The following POTEC variants were observed in gnomAD, a reference collection of about 807,000 sequenced individuals.
POTEC encodes ANKRD26-like family B member 2.
POTEC carries 35 observed loss-of-function variants against 62.0 expected under a neutral mutation model. The ratio of observed to expected loss-of-function variants is 0.56; its 90% CI spans 0.43 to 0.75. POTEC has a LOEUF of 0.75. Among genes scored for constraint, POTEC ranks in the 30% least tolerant of loss-of-function variants. The pLI, the probability that POTEC is intolerant of heterozygous loss-of-function variation, is 0.00. For missense variants in POTEC, 472 were observed against 655.9 expected, an observed-to-expected ratio of 0.72 and a Z score of 3.06; for synonymous variants, 156 against 221.5, an observed-to-expected ratio of 0.70 and a Z score of 2.62.
At chr18:14,532,830 C>CT (rs1440153554) in intron 5 of POTEC, among the ~76,000 whole-genome samples, 1 of 151,732 alleles carries the variant, frequency 6.6e-6, no homozygotes, top group Non-Finnish European at 1.5e-5. Flanking sequence ...ATTGGGATCT[C>CT]TAAGGATAAA....
intron 6 of POTEC, among the ~76,000 whole-genome samples, chr18:14,525,451 A>T (rs542879300): frequency 8.5e-5 from 13 of 152,054 alleles, no homozygotes; most frequent in Non-Finnish European, 1.5e-4. Context: ...GGCTCCAGAC[A>T]TCCCAGAGAA....
chr18:14,541,280 A>G (rs981772893), intron 1 of POTEC, among the ~76,000 whole-genome samples: 28 of 152,276 alleles, frequency 1.8e-4, no homozygotes, highest in Admixed American at 1.3e-4. Flanking sequence ...ATGTTTTCCT[A>G]TGTGCACAGG....
At chr18:14,523,614 G>A in intron 7 of POTEC, 107 bp from the exon 8 acceptor site, 1 of 391,116 alleles carries the variant, frequency 2.6e-6, no homozygotes, top group Admixed American at 4.6e-5. Context: ...ATCAAGTATG[G>A]ACATGAAAAA....
intron 7 of POTEC, among the ~76,000 whole-genome samples, chr18:14,524,340 C>T (rs561420836): frequency 7.3e-4 from 111 of 152,216 alleles, no homozygotes; most frequent in African/African-American, 2.6e-3. Context: ...TGAGAGACCA[C>T]AAGGCAGAAT....
chr18:14,514,436 G>C (rs1442978696), intron 9 of POTEC, among the ~76,000 whole-genome samples: 1 of 152,090 alleles, frequency 6.6e-6, no homozygotes, highest in Non-Finnish European at 1.5e-5. Context: ...CTGTGGCCTG[G>C]GGATTGGAAA....
At chr18:14,532,312 C>T (rs1166646192) in intron 5 of POTEC, among the ~76,000 whole-genome samples, 1 of 152,054 alleles carries the variant, frequency 6.6e-6, no homozygotes, top group Non-Finnish European at 1.5e-5. Flanking sequence ...TCAATTTGCT[C>T]ACTTTGTGTG....
intron 6 of POTEC, among the ~76,000 whole-genome samples, chr18:14,530,280 G>T (rs1166032682): frequency 6.6e-6 from 1 of 151,986 alleles, no homozygotes; most frequent in African/African-American, 2.4e-5. Context: ...CTACATTATA[G>T]TAAGTTGTAT....
At chr18:14,522,972 T>C (rs944783769) in intron 8 of POTEC, among the ~76,000 whole-genome samples, 1 of 150,486 alleles carries the variant, frequency 6.6e-6, no homozygotes, top group Non-Finnish European at 1.5e-5. Context: ...ATCAAAAACA[T>C]GATGGTGCTC....
chr18:14,537,579 T>A (rs552622256), intron 3 of POTEC, among the ~76,000 whole-genome samples: 17 of 152,262 alleles, frequency 1.1e-4, no homozygotes, highest in East Asian at 3.9e-4. Context: ...GTGTTTTTTT[T>A]AAAAAAGCAT....
At chr18:14,533,885 T>C (rs1905614289) in intron 4 of POTEC, among the ~76,000 whole-genome samples, 1 of 151,752 alleles carries the variant, frequency 6.6e-6, no homozygotes, top group South Asian at 2.1e-4. Context: ...CTTTTTTTTT[T>C]TTCCATGCCC....
In POTEC at chr18:14,537,799, A is replaced by G. The variant is rs1290209792; in HGVS notation, c.810+2T>C. 1.2e-6 allele frequency: 2 copies of G among 1,610,644 alleles called. No individual in the cohort carries two copies. The highest frequency in any genetic ancestry group is 2.7e-5 in the African/African-American group (2 of 74,756). On this transcript the variant is annotated splice_donor_variant, in intron 3 of 10. Transcript: ENST00000358970. LOFTEE classifies it high-confidence loss of function. Reference sequence around the variant, plus strand: ...TTGAAGATAAAATTGGTAGATCTATACCTTGTTTTTTGATTCAATATCAGC... The same window carrying G: ...TTGAAGATAAAATTGGTAGATCTATGCCTTGTTTTTTGATTCAATATCAGC...
intron 1 of POTEC, among the ~76,000 whole-genome samples, chr18:14,542,008 T>G (rs7233789): frequency 2.6e-5 from 4 of 152,188 alleles, no homozygotes; most frequent in African/African-American, 9.7e-5. Context: ...AAAAAATCAA[T>G]TTATCACAAT....
In POTEC at chr18:14,530,505, G is replaced by C. The variant is rs267605121; in HGVS notation, c.1104C>G (p.Ile368Met). 4.4e-6 allele frequency: 7 copies of C among 1,595,034 alleles called. No homozygotes were observed. Among genetic ancestry groups the C allele is most frequent in the Non-Finnish European group, 6.0e-6 (7 of 1,171,196 alleles). The change falls in exon 6 of 11, where the codon ATC becomes ATG. Residue 368 changes from isoleucine (I) to methionine (M), a missense_variant. Physicochemically the swap from Ile to Met is conservative, Grantham distance 10. This residue lies in a region of POTEC where 83 missense variants were observed against 254.3 expected (regional missense o/e 0.33). Transcript: ENST00000358970. ...TACCTGGATTGCTGTTTTCAGAAGA[G>C]ATTTTTAGCATCTGTTTTTCTTTAT... ...SDYKEKQMLK[I>M]SSENSNPEQD...
rs1419564675 is a variant in POTEC, at chr18:14,509,575, T to C, written c.*2323A>G. 1 of 152,244 alleles carries C rather than the reference T, an allele frequency of 6.6e-6. No homozygotes were observed. The highest frequency in any genetic ancestry group is 1.5e-5 in the Non-Finnish European group (1 of 68,102). The allele number at this position is 152,244 out of a possible 1,614,324, so 9.4% of individuals were successfully genotyped here. ...AGGGCTGCAGTATGGAATGGTAATGTGCAGGCTAGTGCGTGGCTGTAGAGG... is the reference window on the plus strand; with the variant it reads ...AGGGCTGCAGTATGGAATGGTAATGCGCAGGCTAGTGCGTGGCTGTAGAGG... On this transcript the variant is annotated 3_prime_UTR_variant, in exon 11 of 11. Transcript: ENST00000358970.
In POTEC at chr18:14,535,121, T is replaced by C. The variant is rs114984209; in HGVS notation, c.811-114A>G. 2,194 of 1,516,922 alleles carry C rather than the reference T, an allele frequency of 1.4e-3. 17 individuals carry two copies. The African/African-American group carries it at 0.017, about 12-fold the overall frequency. 94.0% of individuals were successfully genotyped at this position (1,516,922 alleles called of 1,614,324 possible). A position where few individuals can be genotyped will look rare whatever the true frequency, so the allele number is the denominator to read the frequency against. Reference sequence around the variant, plus strand: ...CAGAAAGTAAATAAAATTTGGTCACTTCCTTCTCACTCTTCTGTACTTTCC... The same window carrying C: ...CAGAAAGTAAATAAAATTTGGTCACCTCCTTCTCACTCTTCTGTACTTTCC... On this transcript the variant is annotated intron_variant, in intron 3 of 10. Coordinates refer to ENST00000358970, the MANE Select transcript of POTEC (RefSeq NM_001137671.2).
chr18:14,541,381 C>G (rs375270373), intron 1 of POTEC, among the ~76,000 whole-genome samples: 2 of 152,244 alleles, frequency 1.3e-5, no homozygotes, highest in African/African-American at 4.8e-5. Context: ...TTCAGAGGCT[C>G]ATGACTGTAA....
At chr18:14,530,137 ACTGCTCATCTGAGGGATCTAGGTTGTGTG>A (rs1461154952) in intron 6 of POTEC, among the ~76,000 whole-genome samples, 1 of 151,714 alleles carries the variant, frequency 6.6e-6, no homozygotes, top group Admixed American at 6.6e-5. Context: ...CCTGTTGTGA[ACTGCTCATCTGAGGGATCTAGGTTGTGTG>A]CTTCATATGA....
chr18:14,508,405 C>G lies in POTEC; in HGVS notation c.*3493G>C, dbSNP rs1325678323. On this transcript the variant is annotated 3_prime_UTR_variant, in exon 11 of 11. Transcript: ENST00000358970. ...ATGGAGCTGGTCTGACCTCAGCCCTCCCTAGTCTGCTTGCCTCTCCCAGGA... is the reference window on the plus strand; with the variant it reads ...ATGGAGCTGGTCTGACCTCAGCCCTGCCTAGTCTGCTTGCCTCTCCCAGGA... 2 of 152,584 alleles carry G rather than the reference C, an allele frequency of 1.3e-5. No homozygotes were observed. Among genetic ancestry groups the G allele is most frequent in the Admixed American group, 1.3e-4 (2 of 15,268 alleles). The allele number at this position is 152,584 out of a possible 1,614,324, so 9.5% of individuals were successfully genotyped here. A position where few individuals can be genotyped will look rare whatever the true frequency, so the allele number is the denominator to read the frequency against.
At chr18:14,525,974 T>C (rs1308291361) in intron 6 of POTEC, among the ~76,000 whole-genome samples, 1 of 152,110 alleles carries the variant, frequency 6.6e-6, no homozygotes, top group African/African-American at 2.4e-5. Flanking sequence ...CAATCTCAGC[T>C]CACTGCAACC....
Sources: allele counts gnomAD v4.1 joint callset (sites outside exome capture counted in the v4.1 genomes callset), GRCh38; gene constraint gnomAD v4.1.1; regional missense constraint gnomAD v4.1.1; transcripts MANE v1.5; gene names NCBI Gene and HGNC (gene_info 2026-07-23, HGNC 2026-07-21).